SLC9A7: variants seen among roughly 807,000 people sequenced by gnomAD.
SLC9A7 encodes sodium/hydrogen exchanger 7.
In SLC9A7, 19 loss-of-function variants were observed where a neutral mutation model predicts 52.6. The observed-to-expected ratio is 0.36, with a 90% CI of 0.25 to 0.53. The LOEUF is 0.53. SLC9A7 is among the 20% of genes least tolerant of loss of function. The probability of loss-of-function intolerance (pLI) is 0.91; values close to 1 mark genes in which losing one functional copy is unlikely to be tolerated. For missense variants in SLC9A7, 455 were observed against 597.9 expected (o/e 0.76, Z 2.49); for synonymous variants, 226 against 252.1 (o/e 0.90, Z 0.98).
chrX:46,650,918 C>T (rs1480096802), intron 10 of SLC9A7, among the ~76,000 whole-genome samples, 192 bp downstream of exon 10: 2 of 111,144 alleles, frequency 1.8e-5, no homozygotes, highest in Non-Finnish European at 3.8e-5. Context: ...TTCTTTTTTT[C>T]ATCATAAAAA....
intron 1 of SLC9A7, among the ~76,000 whole-genome samples, chrX:46,754,186 C>T (rs1922461238): frequency 9.0e-6 from 1 of 111,305 alleles, no homozygotes; most frequent in Non-Finnish European, 1.9e-5. Flanking sequence ...CAAAGAATCA[C>T]AAAGCCTAAA....
intron 1 of SLC9A7, among the ~76,000 whole-genome samples, chrX:46,722,358 T>A (rs190274177): frequency 4.5e-5 from 5 of 111,530 alleles, no homozygotes; most frequent in Non-Finnish European, 5.7e-5. Flanking sequence ...TCCATAGCTT[T>A]AAAAAAAACA....
chrX:46,610,464 C>A (rs958663151), intron 16 of SLC9A7, among the ~76,000 whole-genome samples: 5 of 112,219 alleles, frequency 4.5e-5, no homozygotes. Context: ...CAGTCTGAGA[C>A]CCTCACCAGG....
In SLC9A7 at chrX:46,613,511, G is replaced by A. The variant is rs755957487; in HGVS notation, c.1824-117C>T. ...AAACCTTCTTTTCCCCATTTTACTCGTACAACACACGAAATACTTGTAACA... is the reference window on the plus strand; with the variant it reads ...AAACCTTCTTTTCCCCATTTTACTCATACAACACACGAAATACTTGTAACA... On this transcript the variant is annotated intron_variant, in intron 15 of 16. Transcript: ENST00000616978. 9.9e-4 allele frequency: 441 copies of A among 445,084 alleles called. 2 individuals carry two copies. The highest frequency in any genetic ancestry group is 9.1e-3 in the African/African-American group (374 of 41,099). The allele number at this position is 445,084 out of a possible 1,213,427, so 36.7% of individuals were successfully genotyped here.
chrX:46,685,194 T>C (rs1944275741), intron 1 of SLC9A7: 1 of 111,649 alleles, frequency 9.0e-6, no homozygotes, highest in Admixed American at 9.5e-5. Flanking sequence ...ACCCCCATGA[T>C]GCAGATAACA....
intron 1 of SLC9A7, among the ~76,000 whole-genome samples, chrX:46,738,307 T>C (rs913585666): frequency 8.9e-6 from 1 of 112,074 alleles, no homozygotes; most frequent in Admixed American, 9.4e-5. Flanking sequence ...TTCTCAAATT[T>C]ACATCATCCC....
At chrX:46,683,379 G>T (rs1249278821) in intron 1 of SLC9A7, among the ~76,000 whole-genome samples, 2 of 111,373 alleles carry the variant, frequency 1.8e-5, no homozygotes, top group African/African-American at 6.6e-5. Flanking sequence ...AAATTCTTTT[G>T]CTTAGGTCAT....
chrX:46,706,050 G>A (rs1419200492), intron 1 of SLC9A7, among the ~76,000 whole-genome samples: 1 of 108,040 alleles, frequency 9.3e-6, no homozygotes. Context: ...CATAAATGAA[G>A]CTTAAAAAAA....
chrX:46,662,113 A>G lies in SLC9A7; in HGVS notation c.944T>C (p.Phe315Ser). 8.3e-7 allele frequency: 1 copy of G among 1,210,410 alleles called. No individual in the cohort carries two copies. The highest frequency in any genetic ancestry group is 1.1e-6 in the Non-Finnish European group (1 of 894,378). Reference sequence around the variant, plus strand: ...TGACTTAAAAAAGGCAGCAGCATCAAAGGCGTGAGTGTTCAGTCCCGCTGG... The same window carrying G: ...TGACTTAAAAAAGGCAGCAGCATCAGAGGCGTGAGTGTTCAGTCCCGCTGG... ...YQPAGLNTHA[F>S]DAAAFFKSVG... Residue 315 changes from phenylalanine (F) to serine (S), a missense_variant, in exon 7 of 17, where the codon TTT becomes TCT. Coordinates refer to ENST00000616978, the MANE Select transcript of SLC9A7 (RefSeq NM_001257291.2).
chrX:46,659,180 T>A (rs1390781243), intron 7 of SLC9A7, among the ~76,000 whole-genome samples: 1 of 111,967 alleles, frequency 8.9e-6, no homozygotes, highest in Non-Finnish European at 1.9e-5. Context: ...ACAACCTTCA[T>A]GCTAAAAACT....
intron 12 of SLC9A7, among the ~76,000 whole-genome samples, chrX:46,636,666 T>C (rs1943325293): frequency 9.0e-6 from 1 of 111,040 alleles, no homozygotes; most frequent in African/African-American, 3.3e-5. Flanking sequence ...TCAGATATTA[T>C]GATGGTTTGT....
chrX:46,695,121 T>C (rs2007021517), intron 1 of SLC9A7, among the ~76,000 whole-genome samples: 1 of 112,726 alleles, frequency 8.9e-6, no homozygotes, highest in African/African-American at 3.2e-5. Context: ...AACTGAATTA[T>C]CATGGTCACA....
intron 11 of SLC9A7, among the ~76,000 whole-genome samples, chrX:46,644,875 A>G (rs1272961963): frequency 1.8e-5 from 2 of 111,879 alleles, no homozygotes; most frequent in Non-Finnish European, 3.8e-5. Context: ...AACAAAGTTG[A>G]TGTTTTCTAT....
At chrX:46,755,552 C>T (rs1411137917) in intron 1 of SLC9A7, among the ~76,000 whole-genome samples, 2 of 111,005 alleles carry the variant, frequency 1.8e-5, no homozygotes, top group African/African-American at 3.3e-5. Flanking sequence ...CTATTACAGC[C>T]GGGTGCGGTG....
Position 46,607,084 on chromosome X carries a change from G to A in SLC9A7, c.2049C>T (p.Ser683=). Residue 683 remains serine (S), a synonymous_variant, in exon 17 of 17, where the codon TCC becomes TCT. Coordinates refer to ENST00000616978, the MANE Select transcript of SLC9A7 (RefSeq NM_001257291.2). ...ANGSSSSHTA[S]TSLEGSRRTK... ...TTCTCCGGCTGCCCTCCAGACTCGT[G>A]GAGGCGGTGTGCGAACTTGAGGAGC... 8.3e-7 allele frequency: 1 copy of A among 1,211,656 alleles called. No individual in the cohort carries two copies. Among genetic ancestry groups the A allele is most frequent in the Non-Finnish European group, 1.1e-6 (1 of 895,480 alleles).
chrX:46,705,120 A>T (rs1371860440), intron 1 of SLC9A7, among the ~76,000 whole-genome samples: 3 of 111,656 alleles, frequency 2.7e-5, no homozygotes, highest in African/African-American at 9.8e-5. Context: ...GAAAGTGCAC[A>T]TTAGATACAG....
At chrX:46,659,169 A>C (rs1348521069) in intron 7 of SLC9A7, among the ~76,000 whole-genome samples, 1 of 112,145 alleles carries the variant, frequency 8.9e-6, no homozygotes, top group Non-Finnish European at 1.9e-5. Flanking sequence ...GACAAAACTC[A>C]ACAACCTTCA....
At chrX:46,645,269 C>T (rs1445890182) in intron 11 of SLC9A7, among the ~76,000 whole-genome samples, 1 of 112,280 alleles carries the variant, frequency 8.9e-6, no homozygotes, top group Non-Finnish European at 1.9e-5. Context: ...TGTCCACTGG[C>T]ATATTCCTAA....
chrX:46,671,501 C>T (rs760602567), intron 4 of SLC9A7, among the ~76,000 whole-genome samples: 1 of 110,193 alleles, frequency 9.1e-6, no homozygotes, highest in East Asian at 2.9e-4. Flanking sequence ...GATCTCCAGA[C>T]CTTGTGATCT....
Sources: allele counts gnomAD v4.1 joint callset (sites outside exome capture counted in the v4.1 genomes callset), GRCh38; gene constraint gnomAD v4.1.1; transcripts MANE v1.5; gene names NCBI Gene and HGNC (gene_info 2026-07-23, HGNC 2026-07-21).